Variants in RASGEF1C observed in about 807,000 individuals in gnomAD.
RASGEF1C encodes ras-GEF domain-containing family member 1C.
RASGEF1C carries 27 observed loss-of-function variants against 58.1 expected under a neutral mutation model. That is an observed-to-expected ratio of 0.46 (90% confidence interval 0.34 to 0.64). The LOEUF (loss-of-function observed/expected upper bound fraction) is 0.64. Ranked by LOEUF, RASGEF1C falls within the 30% of genes least tolerant of loss-of-function variation. The pLI, the probability that RASGEF1C is intolerant of heterozygous loss-of-function variation, is 0.01. For synonymous variants in RASGEF1C, 243 were observed against 246.3 expected, an observed-to-expected ratio of 0.99 and a Z score of 0.13; for missense variants, 502 against 605.1, an observed-to-expected ratio of 0.83 and a Z score of 1.79.
rs142491535 is a variant in RASGEF1C, at chr5:180,192,554, A to G, written c.-7+16474T>C. 4.3e-3 allele frequency among the ~76,000 whole-genome samples: 661 copies of G among 152,312 alleles called. 17 individuals are homozygous for G. In the South Asian group the frequency reaches 0.057, roughly 13 times the overall value. ...TAATTTTCATGAAATCTATATATAT[A>G]GATCAATTATTTCTCATGAAAACAA... is the stretch of plus-strand genomic sequence containing the variant. On this transcript the variant is annotated intron_variant, in intron 1 of 13. Coordinates refer to ENST00000361132, the MANE Select transcript of RASGEF1C (RefSeq NM_175062.4).
At chr5:180,157,947 A>T (rs1482394121) in intron 1 of RASGEF1C, among the ~76,000 whole-genome samples, 1 of 152,194 alleles carries the variant, frequency 6.6e-6, no homozygotes, top group Non-Finnish European at 1.5e-5. Flanking sequence ...CCTAAGGTGA[A>T]CTATGCACTC....
At chr5:180,114,374 G>T in intron 11 of RASGEF1C, 72 bp downstream of exon 11, 1 of 1,458,738 alleles carries the variant, frequency 6.9e-7, no homozygotes, top group Non-Finnish European at 9.5e-7. Flanking sequence ...GGGTGTCCAA[G>T]GGCCAGTGGT....
In RASGEF1C at chr5:180,177,194, C is replaced by T. The variant is rs1018348174; in HGVS notation, c.-7+31834G>A. Among the ~76,000 whole-genome samples, 4 of 152,126 alleles carry T rather than the reference C, an allele frequency of 2.6e-5. No homozygotes were observed. The highest frequency in any genetic ancestry group is 2.9e-5 in the Non-Finnish European group (2 of 68,016). ...GGGCTGGCTGGGCTACTTCCAGAAACGTCCAGCCGAGTAGAGGATGCATTC... is the reference window on the plus strand; with the variant it reads ...GGGCTGGCTGGGCTACTTCCAGAAATGTCCAGCCGAGTAGAGGATGCATTC... On this transcript the variant is annotated intron_variant, in intron 1 of 13. Transcript: ENST00000361132. This position sits in a 1 kb window ranked among gnomAD's most constrained non-coding sequence, Gnocchi z 5.0.
chr5:180,193,383 C>G (rs755108645), intron 1 of RASGEF1C, among the ~76,000 whole-genome samples: 4 of 152,090 alleles, frequency 2.6e-5, no homozygotes, highest in Non-Finnish European at 5.9e-5. Flanking sequence ...TTAATTTCAC[C>G]TTTTTTAACG....
At chr5:180,154,378 C>G (rs1182968332) in intron 1 of RASGEF1C, among the ~76,000 whole-genome samples, 6 of 152,182 alleles carry the variant, frequency 3.9e-5, no homozygotes, top group African/African-American at 1.4e-4. Context: ...AGGTTCTGAA[C>G]TCCAGGGACT....
chr5:180,193,515 A>G (rs951182247), intron 1 of RASGEF1C, among the ~76,000 whole-genome samples: 5 of 152,138 alleles, frequency 3.3e-5, no homozygotes, highest in Non-Finnish European at 7.3e-5. Flanking sequence ...GTGACACCCT[A>G]AGGATTGAAG....
At chr5:180,173,711 G>A (rs56022632) in intron 1 of RASGEF1C, among the ~76,000 whole-genome samples, 8,157 of 152,154 alleles carry the variant, frequency 0.054, 339 homozygotes, top group Non-Finnish European at 0.085. Context: ...TCAGGAGTTT[G>A]AGACCAGCCT....
At chr5:180,112,519 AGTGACTG>A (rs1348567200) in intron 11 of RASGEF1C, among the ~76,000 whole-genome samples, 1 of 152,228 alleles carries the variant, frequency 6.6e-6, no homozygotes, top group African/African-American at 2.4e-5. Flanking sequence ...CAGACAGAGC[AGTGACTG>A]GTGACTGGCC....
At chr5:180,200,167 G>C (rs1756358933) in intron 1 of RASGEF1C, among the ~76,000 whole-genome samples, 1 of 151,978 alleles carries the variant, frequency 6.6e-6, no homozygotes, top group Non-Finnish European at 1.5e-5. Context: ...GGCTAAGGCA[G>C]GAGAATTGCT....
At chr5:180,106,009 G>A (rs1383408562) in intron 12 of RASGEF1C, among the ~76,000 whole-genome samples, 1 of 152,196 alleles carries the variant, frequency 6.6e-6, no homozygotes, top group African/African-American at 2.4e-5. Flanking sequence ...GATGAATCAT[G>A]TCCCAGGAGG....
chr5:180,189,923 C>CAAAAAAAA (rs71001085), intron 1 of RASGEF1C, among the ~76,000 whole-genome samples: 43 of 37,170 alleles, frequency 1.2e-3, no homozygotes, highest in South Asian at 1.7e-3. Context: ...AACTCCATCT[C>CAAAAAAAA]AAAAAAAAAA....
At chr5:180,102,473 T>C (rs1765805569) in intron 12 of RASGEF1C, among the ~76,000 whole-genome samples, 1 of 152,202 alleles carries the variant, frequency 6.6e-6, no homozygotes, top group Non-Finnish European at 1.5e-5. Flanking sequence ...TCTAGCCCTA[T>C]ATTCTGAGGG....
chr5:180,136,537 C>G lies in RASGEF1C; in HGVS notation c.301-22G>C, dbSNP rs77168853. On this transcript the variant is annotated intron_variant, in intron 3 of 13. Coordinates refer to ENST00000361132, the MANE Select transcript of RASGEF1C (RefSeq NM_175062.4). Reference sequence around the variant, plus strand: ...GGGCCTACGGGCAAGCGAGGGGCACCGCGCTCGTGAGGGGCGCCGGGTGGG... The same window carrying G: ...GGGCCTACGGGCAAGCGAGGGGCACGGCGCTCGTGAGGGGCGCCGGGTGGG... 1.9e-6 allele frequency: 3 copies of G among 1,562,408 alleles called. No homozygotes were observed. The Admixed American group carries it at 5.6e-5, about 29-fold the overall frequency.
chr5:180,181,898 G>A (rs1484493903), intron 1 of RASGEF1C, among the ~76,000 whole-genome samples: 2 of 152,066 alleles, frequency 1.3e-5, no homozygotes, highest in African/African-American at 4.8e-5. Flanking sequence ...TTGTGGTCTC[G>A]CTGACTTCAA....
rs577166407 is a variant in RASGEF1C at position 180,132,669 on chromosome 5, C to T, written c.438+3709G>A. The stretch of plus-strand genomic sequence containing the variant: ...CAGTTCCCCAGACAGTCCGTGTGGG[C>T]GAGTTAGAAAGCAAGACCAGGCCGG... On this transcript the variant is annotated intron_variant, in intron 4 of 13. Coordinates refer to ENST00000361132, the MANE Select transcript of RASGEF1C (RefSeq NM_175062.4). Among the ~76,000 whole-genome samples, 11 of 152,282 alleles carry T rather than the reference C, an allele frequency of 7.2e-5. No individual in the cohort carries two copies. The South Asian group carries it at 8.3e-4, about 11-fold the overall frequency.
At chr5:180,196,832 C>T (rs1353677006) in intron 1 of RASGEF1C, among the ~76,000 whole-genome samples, 1 of 152,186 alleles carries the variant, frequency 6.6e-6, no homozygotes, top group Non-Finnish European at 1.5e-5. Flanking sequence ...TCTCCATTCT[C>T]ACAAGATAAA....
chr5:180,203,588 GC>G (rs1189170963), intron 1 of RASGEF1C, among the ~76,000 whole-genome samples: 1 of 152,256 alleles, frequency 6.6e-6, no homozygotes, highest in Non-Finnish European at 1.5e-5. Context: ...GCTAAGCCAT[GC>G]CCAGGCTCTT....
intron 1 of RASGEF1C, among the ~76,000 whole-genome samples, chr5:180,171,285 C>T (rs375930691): frequency 6.6e-6 from 1 of 151,946 alleles, no homozygotes; most frequent in African/African-American, 2.4e-5. Flanking sequence ...TGACCTGTTT[C>T]TGGGGAAGGG....
At chr5:180,138,479 C>T (rs1237689391) in intron 1 of RASGEF1C, 2 of 157,880 alleles carry the variant, frequency 1.3e-5, no homozygotes, top group African/African-American at 2.4e-5. Context: ...AATCCCAGAA[C>T]TTATGTGGCA....
Sources: allele counts gnomAD v4.1 joint callset (sites outside exome capture counted in the v4.1 genomes callset), GRCh38; gene constraint gnomAD v4.1.1; non-coding constraint Gnocchi (gnomAD v3.1); transcripts MANE v1.5; gene names NCBI Gene and HGNC (gene_info 2026-07-23, HGNC 2026-07-21).